TNFRSF11A: variants seen among roughly 807,000 people sequenced by gnomAD.
TNFRSF11A encodes the protein TNF receptor superfamily member 11a, also known as tumor necrosis factor receptor superfamily member 11A.
A neutral mutation model predicts 55.7 loss-of-function variants in TNFRSF11A; 32 were observed. The observed-to-expected ratio is 0.57, with a 90% CI of 0.43 to 0.77. TNFRSF11A has a LOEUF of 0.77. TNFRSF11A is among the 30% of genes least tolerant of loss of function. The probability of loss-of-function intolerance (pLI) is 0.00; values close to 1 mark genes in which losing one functional copy is unlikely to be tolerated. For missense variants in TNFRSF11A, 753 were observed against 809.8 expected, an observed-to-expected ratio of 0.93 and a Z score of 0.85; for synonymous variants, 311 against 331.0, an observed-to-expected ratio of 0.94 and a Z score of 0.65.
rs750352140 is a variant in TNFRSF11A at position 62,327,181 on chromosome 18, TC to T, written c.75+1756del. Among the ~76,000 whole-genome samples the T allele has an allele frequency of 2.0e-5, 3 of 152,256 alleles. No individual in the cohort carries two copies. The East Asian group carries it at 5.8e-4, about 29-fold the overall frequency. On this transcript the variant is annotated intron_variant, in intron 1 of 9. Transcript: ENST00000586569. ...TGTGGGCTGGTGTCAACCTCCTGTC[TC>T]CTCTCCTGTAATCGGAGTTAATCTT...
At chr18:62,378,551 A>T (rs1269301237) in intron 9 of TNFRSF11A, among the ~76,000 whole-genome samples, 1 of 152,214 alleles carries the variant, frequency 6.6e-6, no homozygotes, top group Non-Finnish European at 1.5e-5. Context: ...TTCCGTGAGC[A>T]CGGATATTAC....
intron 9 of TNFRSF11A, among the ~76,000 whole-genome samples, chr18:62,382,143 T>C (rs114379230): frequency 0.027 from 3,893 of 145,508 alleles, 201 homozygotes; most frequent in African/African-American, 0.095. Context: ...GAGAGAGTCT[T>C]GCACTCCACC....
At chr18:62,331,736 T>C (rs2046157324) in intron 1 of TNFRSF11A, among the ~76,000 whole-genome samples, 1 of 152,212 alleles carries the variant, frequency 6.6e-6, no homozygotes, top group South Asian at 2.1e-4. Context: ...AGAAGCAGTG[T>C]TTATGTTGGA....
chr18:62,360,678 C>T (rs1412566470), intron 6 of TNFRSF11A, among the ~76,000 whole-genome samples: 1 of 152,040 alleles, frequency 6.6e-6, no homozygotes, highest in East Asian at 1.9e-4. Context: ...AACTCCTGGC[C>T]CCAGGTGATC....
chr18:62,367,764 ATCTT>A (rs71338265), intron 8 of TNFRSF11A, among the ~76,000 whole-genome samples: 25,371 of 132,820 alleles, frequency 0.19, 3,366 homozygotes, highest in Non-Finnish European at 0.28. Flanking sequence ...TGTCCTTTAG[ATCTT>A]TCTTTCTTTT....
intron 6 of TNFRSF11A, among the ~76,000 whole-genome samples, chr18:62,361,087 A>T (rs1909650628): frequency 1.3e-5 from 2 of 152,208 alleles, no homozygotes; most frequent in South Asian, 2.1e-4. Context: ...AAGTTATTTT[A>T]AAAAAGAGGA....
intron 4 of TNFRSF11A, 71 bp downstream of exon 4, chr18:62,354,605 T>A: frequency 6.3e-7 from 1 of 1,593,476 alleles, no homozygotes; most frequent in Non-Finnish European, 8.5e-7. Context: ...ACAGTCTTGA[T>A]AATAGCAGCA....
chr18:62,357,988 A>G (rs1909390343), intron 4 of TNFRSF11A: 2 of 476,712 alleles, frequency 4.2e-6, no homozygotes, highest in Non-Finnish European at 7.7e-6. Flanking sequence ...TACCAGTGTT[A>G]GTGGCCTGAC....
At chr18:62,330,376 G>T (rs1233203068) in intron 1 of TNFRSF11A, among the ~76,000 whole-genome samples, 1 of 152,190 alleles carries the variant, frequency 6.6e-6, no homozygotes, top group Admixed American at 6.5e-5. Flanking sequence ...TTAGGCTGGG[G>T]GTTCCAGAAT....
At position 62,385,044 on chromosome 18, in the gene TNFRSF11A, A is replaced by G. The variant is rs994200722; in HGVS notation, c.*10A>G. On this transcript the variant is annotated 3_prime_UTR_variant, in exon 10 of 10. Transcript: ENST00000586569. ...CGGGGCCAAGGCTTGAGCGCCCCCC[A>G]TGGCTGGGAGCCCGAAGCTCGGAGC... The G allele has an allele frequency of 1.8e-5, 26 of 1,466,430 alleles. No individual in the cohort carries two copies. In the Admixed American group the frequency reaches 3.1e-4, roughly 17 times the overall value. 90.8% of individuals were successfully genotyped at this position (1,466,430 alleles called of 1,614,324 possible). A position where few individuals can be genotyped will look rare whatever the true frequency, so the allele number is the denominator to read the frequency against.
chr18:62,370,405 T>C (rs1351993660), intron 9 of TNFRSF11A, among the ~76,000 whole-genome samples: 1 of 152,216 alleles, frequency 6.6e-6, no homozygotes, highest in Non-Finnish European at 1.5e-5. Context: ...ACTCATATTT[T>C]TAAAAGGCCC....
rs369676982 is a variant in TNFRSF11A at position 62,361,760 on chromosome 18, G to A, written c.697G>A (p.Val233Ile). 1.3e-5 allele frequency: 21 copies of A among 1,613,894 alleles called. No homozygotes were observed. Among genetic ancestry groups the A allele is most frequent in the African/African-American group, 5.3e-5 (4 of 74,840 alleles). Residue 233 changes from valine (V) to isoleucine (I), a missense_variant, in exon 7 of 10, where the codon GTT (valine) becomes ATT (isoleucine). Transcript: ENST00000586569. ...CCTGGTGGCTGCCATCATCTTTGGC[G>A]TTTGCTATAGGAAAAAAGGGAAAGC... ...VALVAAIIFG[V>I]CYRKKGKALT...
intron 5 of TNFRSF11A, among the ~76,000 whole-genome samples, chr18:62,358,584 G>A (rs567314279): frequency 1.4e-4 from 21 of 152,240 alleles, no homozygotes; most frequent in Non-Finnish European, 1.8e-4. Context: ...TGTGACTTAC[G>A]GTTGCAGCTT....
intron 3 of TNFRSF11A, among the ~76,000 whole-genome samples, chr18:62,353,651 G>A (rs1397181044): frequency 6.6e-6 from 1 of 152,144 alleles, no homozygotes; most frequent in Non-Finnish European, 1.5e-5. Flanking sequence ...AAATAATGAG[G>A]ACTATTGATT....
In TNFRSF11A at chr18:62,383,850, C is replaced by T. The variant is rs116775772; in HGVS notation, c.1568-901C>T. 0.085 allele frequency among the ~76,000 whole-genome samples: 12,905 copies of T among 151,604 alleles called. 722 individuals carry two copies. The highest frequency in any genetic ancestry group is 0.15 in the African/African-American group (6,234 of 41,270). ...TAGTTTTGTGAATCTGTTTTGTTTC[C>T]GGGAGTAATTTTAATGTTAAGGAAG... is the stretch of plus-strand genomic sequence containing the variant. On this transcript the variant is annotated intron_variant, in intron 9 of 9. Coordinates refer to ENST00000586569, the MANE Select transcript of TNFRSF11A (RefSeq NM_003839.4). The surrounding 1 kb of genome is among the most constrained non-coding windows in gnomAD (Gnocchi z 4.2).
rs931415236 is a variant in TNFRSF11A at position 62,348,232 on chromosome 18, G to A, written c.140G>A (p.Cys47Tyr). ...EKHYEHLGRC[C>Y]NKCEPGKYMS... ...CATTATGAGCATCTGGGACGGTGCT[G>A]TAACAAATGTGAACCAGGTACACCT... The change falls in exon 2 of 10, where the codon TGT (cysteine) becomes TAT (tyrosine). Residue 47 changes from cysteine to tyrosine, a missense_variant. Around this residue, in one of 3 missense-constraint regions of TNFRSF11A, gnomAD observed 156 missense variants for 155.1 expected, o/e 1.01. Transcript: ENST00000586569. 6.2e-7 allele frequency: 1 copy of A among 1,614,138 alleles called. No homozygotes were observed. Among genetic ancestry groups the A allele is most frequent in the Non-Finnish European group, 8.5e-7 (1 of 1,180,016 alleles).
chr18:62,342,139 G>A (rs2046320396), intron 1 of TNFRSF11A, among the ~76,000 whole-genome samples: 1 of 151,700 alleles, frequency 6.6e-6, no homozygotes, highest in Admixed American at 6.6e-5. Context: ...GGTGTCTCAC[G>A]CCTGTAATCC....
At chr18:62,366,824 C>A in intron 8 of TNFRSF11A, 64 bp downstream of exon 8, 1 of 1,543,962 alleles carries the variant, frequency 6.5e-7, no homozygotes, top group Non-Finnish European at 9.0e-7. Context: ...GTAGAGCCAT[C>A]CTAGTCACAT....
chr18:62,378,079 C>A (rs1911020354), intron 9 of TNFRSF11A: 1 of 152,214 alleles, frequency 6.6e-6, no homozygotes, highest in Non-Finnish European at 1.5e-5. Flanking sequence ...CAGCACCCAC[C>A]TGATTATACA....
Sources: gnomAD v4.1 joint callset for allele counts (sites outside exome capture counted in the v4.1 genomes callset) on GRCh38, gnomAD v4.1.1 for gene constraint, gnomAD v4.1.1 regional missense constraint, Gnocchi (gnomAD v3.1) non-coding constraint, MANE v1.5 for transcripts, NCBI Gene and HGNC (gene_info 2026-07-23, HGNC 2026-07-21) for gene names.